TMPRSS4: variants seen among roughly 807,000 people sequenced by gnomAD.
TMPRSS4 encodes the protein transmembrane protease serine 4.
In TMPRSS4, 45 loss-of-function variants were observed where a neutral mutation model predicts 56.4. The ratio of observed to expected loss-of-function variants is 0.80; its 90% CI spans 0.63 to 1.02. The LOEUF is 1.02. Among genes scored for constraint, TMPRSS4 ranks in the 50% least tolerant of loss-of-function variants. The pLI is 0.00. For synonymous variants in TMPRSS4, 205 were observed against 211.0 expected, an observed-to-expected ratio of 0.97 and a Z score of 0.25; for missense variants, 546 against 556.7, an observed-to-expected ratio of 0.98 and a Z score of 0.19.
downstream of TMPRSS4, among the ~76,000 whole-genome samples, chr11:118,124,361 G>T (rs905527410): frequency 2.0e-5 from 3 of 152,156 alleles, no homozygotes; most frequent in Admixed American, 1.3e-4. Context: ...CTCCAGCCTG[G>T]CAACAGAGCG....
intron 2 of TMPRSS4, 110 bp from the exon 3 acceptor site, chr11:118,098,875 C>G (rs538544198): frequency 2.5e-6 from 2 of 799,538 alleles, no homozygotes; most frequent in South Asian, 3.4e-5. Flanking sequence ...CAAAACTGTG[C>G]TCAAGGCATA....
chr11:118,114,929 T>A lies in TMPRSS4; in HGVS notation c.1009+2T>A, dbSNP rs1287700972. 1 of 1,597,024 alleles carries A rather than the reference T, an allele frequency of 6.3e-7. No individual in the cohort carries two copies. The highest frequency in any genetic ancestry group is 1.3e-5 in the African/African-American group (1 of 74,698). On this transcript the variant is annotated splice_donor_variant, in intron 10 of 12. Transcript: ENST00000437212. LOFTEE classifies it high-confidence loss of function. ...GGGGCTTTACGAAGCAGAATGGAGGTAAGTCCTGGGTGCAGGACCACAGGG... is the reference window on the plus strand; with the variant it reads ...GGGGCTTTACGAAGCAGAATGGAGGAAAGTCCTGGGTGCAGGACCACAGGG...
intron 1 of TMPRSS4, among the ~76,000 whole-genome samples, chr11:118,088,597 G>A (rs997786614): frequency 6.6e-6 from 1 of 152,212 alleles, no homozygotes; most frequent in African/African-American, 2.4e-5. Context: ...CCCCAGGTCA[G>A]ACACTGGCTG....
At chr11:118,078,287 C>T (rs970701322) in intron 1 of TMPRSS4, among the ~76,000 whole-genome samples, 1 of 152,036 alleles carries the variant, frequency 6.6e-6, no homozygotes, top group African/African-American at 2.4e-5. Context: ...CTTCCTTCTC[C>T]AGTCCTTGGC....
rs112644124 is a variant in TMPRSS4, at chr11:118,121,338, ACTTCTTCTTCTTCTTCTT to A, written c.*3441_*3458del. 1 of 149,550 alleles carries A rather than the reference ACTTCTTCTTCTTCTTCTT, an allele frequency of 6.7e-6. No individual in the cohort carries two copies. The highest frequency in any genetic ancestry group is 1.5e-5 in the Non-Finnish European group (1 of 67,170). The allele number at this position is 149,550 out of a possible 1,614,324, so 9.3% of individuals were successfully genotyped here. The stretch of plus-strand genomic sequence containing the variant: ...AGGTAAGTCTAAACACACTCTGTCT[ACTTCTTCTTCTTCTTCTT>A]CTTCTTCTTCTTCTTATTTTGAGAC... On this transcript the variant is annotated 3_prime_UTR_variant, in exon 13 of 13. Coordinates refer to ENST00000437212, the MANE Select transcript of TMPRSS4 (RefSeq NM_019894.4).
chr11:118,089,545 C>T (rs964591545), intron 1 of TMPRSS4, among the ~76,000 whole-genome samples: 2 of 152,158 alleles, frequency 1.3e-5, no homozygotes, highest in Non-Finnish European at 2.9e-5. Context: ...CTCCATAAAC[C>T]CATCATCCCC....
intron 1 of TMPRSS4, among the ~76,000 whole-genome samples, chr11:118,082,162 A>G (rs1945184347): frequency 6.6e-6 from 1 of 152,216 alleles, no homozygotes; most frequent in Non-Finnish European, 1.5e-5. Context: ...TCCAAATGCA[A>G]CAAGGGCCCC....
intron 1 of TMPRSS4, among the ~76,000 whole-genome samples, chr11:118,085,661 C>T (rs1436831965): frequency 6.6e-6 from 1 of 152,214 alleles, no homozygotes; most frequent in Non-Finnish European, 1.5e-5. Context: ...GAGAGAACCC[C>T]TCTAAGCTTT....
At chr11:118,092,098 A>G (rs948467) in intron 1 of TMPRSS4, among the ~76,000 whole-genome samples, 16,597 of 152,238 alleles carry the variant, frequency 0.11, 1,112 homozygotes, top group East Asian at 0.22. Flanking sequence ...AAAGAAAGAA[A>G]AAAGGAAAGG....
chr11:118,096,904 A>AAAGAAAGG lies in TMPRSS4; in HGVS notation c.43+2050_43+2057dup. On this transcript the variant is annotated intron_variant, in intron 2 of 12. Coordinates refer to ENST00000437212, the MANE Select transcript of TMPRSS4 (RefSeq NM_019894.4). ...GAAAGAAAGAAAGAAAGAAAGAAAG[A>AAAGAAAGG]AAGAAAGGGAGAGAGAAAGGAAAGA... Among the ~76,000 whole-genome samples, 2 of 52,654 alleles carry AAAGAAAGG rather than the reference A, an allele frequency of 3.8e-5. 1 individual carries two copies. The highest frequency in any genetic ancestry group is 4.0e-4 in the Admixed American group (2 of 5,056). The allele number at this position is 52,654 out of a possible 152,430, so 34.5% of individuals were successfully genotyped here.
chr11:118,080,544 C>T (rs529772311), intron 1 of TMPRSS4, among the ~76,000 whole-genome samples: 1 of 152,080 alleles, frequency 6.6e-6, no homozygotes, highest in African/African-American at 2.4e-5. Context: ...AGGGCTCCTG[C>T]GTGACCCCAG....
intron 9 of TMPRSS4, among the ~76,000 whole-genome samples, chr11:118,114,183 G>A (rs1947425302): frequency 6.6e-6 from 1 of 152,164 alleles, no homozygotes. Context: ...TAGAGACCCT[G>A]GTGTGACCCC....
At chr11:118,106,401 C>T (rs1946991496) in intron 5 of TMPRSS4, 2 of 152,112 alleles carry the variant, frequency 1.3e-5, no homozygotes. Context: ...ACTTTCTTTC[C>T]TCTCTCTAGA....
chr11:118,124,615 T>G (rs924732752), downstream of TMPRSS4, among the ~76,000 whole-genome samples: 1 of 152,182 alleles, frequency 6.6e-6, no homozygotes, highest in Non-Finnish European at 1.5e-5. Context: ...AAGGAGAAAT[T>G]GACAAATCCA....
intron 1 of TMPRSS4, among the ~76,000 whole-genome samples, chr11:118,092,123 C>A (rs1174709677): frequency 6.6e-6 from 1 of 152,188 alleles, no homozygotes; most frequent in Non-Finnish European, 1.5e-5. Flanking sequence ...GCTGACCACC[C>A]TATGAGAGAA....
intron 11 of TMPRSS4, 47 bp downstream of exon 11, chr11:118,115,327 T>C (rs1162892457): frequency 6.3e-7 from 1 of 1,591,232 alleles, no homozygotes; most frequent in Non-Finnish European, 8.5e-7. Context: ...AGGGTTTAGG[T>C]CCTAGAGAGA....
chr11:118,119,345 T>G lies in TMPRSS4; in HGVS notation c.*1432T>G, dbSNP rs904395041. 1 of 985,266 alleles carries G rather than the reference T, an allele frequency of 1.0e-6. No homozygotes were observed. Among genetic ancestry groups the G allele is most frequent in the Non-Finnish European group, 1.2e-6 (1 of 829,932 alleles). The allele number at this position is 985,266 out of a possible 1,614,324, so 61.0% of individuals were successfully genotyped here. A position where few individuals can be genotyped will look rare whatever the true frequency, so the allele number is the denominator to read the frequency against. On this transcript the variant is annotated 3_prime_UTR_variant, in exon 13 of 13. Transcript: ENST00000437212. ...ATAACTGATGGCAGTAAATGTGGTCTCAAATTGCAGATGGTCTGGAGGAAA... is the reference window on the plus strand; with the variant it reads ...ATAACTGATGGCAGTAAATGTGGTCGCAAATTGCAGATGGTCTGGAGGAAA...
At chr11:118,099,251 A>C (rs1946592337) in intron 3 of TMPRSS4, 153 bp downstream of exon 3, 1 of 515,116 alleles carries the variant, frequency 1.9e-6, no homozygotes, top group East Asian at 3.2e-5. Flanking sequence ...TCACCCACTC[A>C]GTAAGTGGCA....
chr11:118,094,705 A>T (rs1012860502), intron 1 of TMPRSS4, 111 bp from the exon 2 acceptor site: 4 of 921,082 alleles, frequency 4.3e-6, no homozygotes, highest in Non-Finnish European at 1.7e-6. Flanking sequence ...GAGACCCCCA[A>T]CGTAGACTCA....
Sources: allele counts gnomAD v4.1 joint callset (sites outside exome capture counted in the v4.1 genomes callset), GRCh38; gene constraint gnomAD v4.1.1; transcripts MANE v1.5; gene names NCBI Gene and HGNC (gene_info 2026-07-23, HGNC 2026-07-21).